The following FOXJ2 variants were observed in gnomAD, a reference collection of about 807,000 sequenced individuals.
FOXJ2 encodes forkhead box J2.
A neutral mutation model predicts 68.4 loss-of-function variants in FOXJ2; 18 were observed. That is an observed-to-expected ratio of 0.26 (90% confidence interval 0.18 to 0.39). The LOEUF is 0.39. Ranked by LOEUF, FOXJ2 falls within the 10% of genes least tolerant of loss-of-function variation. The probability of loss-of-function intolerance (pLI) is 1.00; values close to 1 mark genes in which losing one functional copy is unlikely to be tolerated. For synonymous variants in FOXJ2, 274 were observed against 263.2 expected (o/e 1.04, Z -0.40); for missense variants, 670 against 726.5 (o/e 0.92, Z 0.89).
chr12:8,041,089 A>T (rs1946957621), intron 2 of FOXJ2, among the ~76,000 whole-genome samples: 1 of 152,186 alleles, frequency 6.6e-6, no homozygotes, highest in Admixed American at 6.5e-5. Context: ...TCAATTGTTG[A>T]GTAGGAATAG....
intron 1 of FOXJ2, among the ~76,000 whole-genome samples, chr12:8,039,097 G>T (rs1946933386): frequency 6.6e-6 from 1 of 152,114 alleles, no homozygotes; most frequent in Non-Finnish European, 1.5e-5. Context: ...TGTACTTCAG[G>T]ATGTGTTGCT....
rs1288939788 is a variant in FOXJ2 at position 8,048,812 on chromosome 12, G to A, written c.1327+14G>A. 1.2e-6 allele frequency: 2 copies of A among 1,609,694 alleles called. No individual in the cohort carries two copies. Among genetic ancestry groups the A allele is most frequent in the Admixed American group, 3.3e-5 (2 of 60,010 alleles). On this transcript the variant is annotated intron_variant, in intron 8 of 10. Transcript: ENST00000162391. The stretch of plus-strand genomic sequence containing the variant: ...CACAATTCTCAGGTTAGTGATCAAA[G>A]GACGAAGGAAGAGAGGGATACACTG...
chr12:8,047,457 AAAAAACG>A (rs1430440390), intron 6 of FOXJ2, among the ~76,000 whole-genome samples: 1 of 152,072 alleles, frequency 6.6e-6, no homozygotes, highest in Non-Finnish European at 1.5e-5. Context: ...CTCAAAAAAC[AAAAAACG>A]GAAGGAAGAG....
chr12:8,049,967 G>T, intron 9 of FOXJ2: 1 of 251,902 alleles, frequency 4.0e-6, no homozygotes, highest in African/African-American at 2.2e-5. Flanking sequence ...TTATGTTCCT[G>T]TTTCTTGCTT....
chr12:8,052,674 G>A, intron 10 of FOXJ2, 88 bp from the exon 11 acceptor site: 2 of 1,147,120 alleles, frequency 1.7e-6, no homozygotes, highest in Admixed American at 2.0e-5. Context: ...TCTTCGTGGT[G>A]TTATCTGGGG....
At chr12:8,033,921 C>G (rs3782678) in intron 1 of FOXJ2, 88 bp downstream of exon 1, 4 of 152,162 alleles carry the variant, frequency 2.6e-5, no homozygotes, top group African/African-American at 4.8e-5. Flanking sequence ...GTTTCACTGC[C>G]GGGGAAGACA....
intron 1 of FOXJ2, among the ~76,000 whole-genome samples, chr12:8,034,726 C>T (rs1946874715): frequency 6.6e-6 from 1 of 152,224 alleles, no homozygotes; most frequent in African/African-American, 2.4e-5. Context: ...AAGTTTCCTT[C>T]CAGAAAAGTA....
Position 8,054,952 on chromosome 12 carries a change from C to T in FOXJ2, c.*2102C>T, listed in dbSNP as rs939993743. The T allele has an allele frequency of 6.6e-6, 1 of 152,346 alleles. No individual in the cohort carries two copies. The highest frequency in any genetic ancestry group is 2.1e-4 in the South Asian group (1 of 4,820). 9.4% of individuals were successfully genotyped at this position (152,346 alleles called of 1,614,324 possible). A position where few individuals can be genotyped will look rare whatever the true frequency, so the allele number is the denominator to read the frequency against. ...GGTAGGATCATACATGCAAATGCCC[C>T]TTGTTCATCTGTGTCTTCTGCAAAC... On this transcript the variant is annotated 3_prime_UTR_variant, in exon 11 of 11. Transcript: ENST00000162391.
chr12:8,034,366 C>T (rs1946870029), intron 1 of FOXJ2, among the ~76,000 whole-genome samples: 1 of 152,186 alleles, frequency 6.6e-6, no homozygotes, highest in Non-Finnish European at 1.5e-5. Flanking sequence ...GCAATCTGTT[C>T]CTGCTCATCC....
intron 2 of FOXJ2, among the ~76,000 whole-genome samples, chr12:8,041,201 CTTTTT>C (rs373996996): frequency 2.1e-5 from 3 of 144,746 alleles, no homozygotes; most frequent in African/African-American, 7.6e-5. Context: ...CTTTTCTTTT[CTTTTT>C]TTTTTTGTGG....
At chr12:8,050,490 C>G in intron 9 of FOXJ2, 32 bp from the exon 10 acceptor site, 1 of 1,602,578 alleles carries the variant, frequency 6.2e-7, no homozygotes, top group South Asian at 1.1e-5. Flanking sequence ...CCGCCCCCCC[C>G]AACTCAAGTA....
rs762590826 is a variant in FOXJ2, at chr12:8,048,142, C to T, written c.1078C>T (p.Pro360Ser). ...KQAGAEGYGPPPVMAMHPPPL... is the reference protein window; with the variant it reads ...KQAGAEGYGPSPVMAMHPPPL... ...AGCTGGGGCGGAAGGCTATGGGCCT[C>T]CCCCTGTAATGGCCATGCATCCACC... The change falls in exon 7 of 11, where the codon CCC becomes TCC. Residue 360 changes from proline to serine, a missense_variant. Coordinates refer to ENST00000162391, the MANE Select transcript of FOXJ2 (RefSeq NM_018416.3). 2 of 1,613,806 alleles carry T rather than the reference C, an allele frequency of 1.2e-6. No individual in the cohort carries two copies. Among genetic ancestry groups the T allele is most frequent in the East Asian group, 2.2e-5 (1 of 44,882 alleles).
intron 6 of FOXJ2, among the ~76,000 whole-genome samples, chr12:8,047,414 A>C (rs1157576483): frequency 6.6e-6 from 1 of 152,108 alleles, no homozygotes; most frequent in African/African-American, 2.4e-5. Flanking sequence ...GCACCATTGC[A>C]CTCCAGCCTG....
At position 8,043,217 on chromosome 12, in the gene FOXJ2, CAAAAAAAA is replaced by C. The variant is rs11423157; in HGVS notation, c.409-470_409-463del. ...GGGCAACAAGAGTGAAACTCCATCTCAAAAAAAAAAAAAAAAAAAAAGACTGTGAAATC... is the reference window on the plus strand; with the variant it reads ...GGGCAACAAGAGTGAAACTCCATCTCAAAAAAAAAAAAAGACTGTGAAATC... On this transcript the variant is annotated intron_variant, in intron 3 of 10. Coordinates refer to ENST00000162391, the MANE Select transcript of FOXJ2 (RefSeq NM_018416.3). Among the ~76,000 whole-genome samples the C allele has an allele frequency of 1.2e-4, 7 of 58,180 alleles. No homozygotes were observed. In the South Asian group the frequency reaches 6.1e-3, roughly 51 times the overall value. The allele number at this position is 58,180 out of a possible 152,430, so 38.2% of individuals were successfully genotyped here.
Position 8,035,017 on chromosome 12 carries a change from T to C in FOXJ2, c.-15+1184T>C, listed in dbSNP as rs959376295. Among the ~76,000 whole-genome samples, 1 of 152,224 alleles carries C rather than the reference T, an allele frequency of 6.6e-6. No homozygotes were observed. Among genetic ancestry groups the C allele is most frequent in the African/African-American group, 2.4e-5 (1 of 41,462 alleles). On this transcript the variant is annotated intron_variant, in intron 1 of 10. Coordinates refer to ENST00000162391, the MANE Select transcript of FOXJ2 (RefSeq NM_018416.3). This position sits in a 1 kb window ranked among gnomAD's most constrained non-coding sequence, Gnocchi z 4.0. ...AAGGAGGCTTCATCTGACTTGGCCT[T>C]TCATATTTCCTCCTCTCTCTGGGGC... is the stretch of plus-strand genomic sequence containing the variant.
chr12:8,042,720 T>C lies in FOXJ2; in HGVS notation c.396T>C (p.Asp132=), dbSNP rs747193499. 2 of 1,613,982 alleles carry C rather than the reference T, an allele frequency of 1.2e-6. No homozygotes were observed. The highest frequency in any genetic ancestry group is 1.7e-5 in the Admixed American group (1 of 60,012). The change falls in exon 3 of 11, where the codon GAT becomes GAC. Residue 132 remains aspartate (D), a synonymous_variant. Transcript: ENST00000162391. ...KCFRKVPRPR[D]DPGKGSYWTI... ...TCCGGAAGGTGCCCAGACCTCGGGA[T>C]GACCCTGGGAAGGTAAGATACTACT...
In FOXJ2 at chr12:8,052,764, C is replaced by A. The variant is rs770218283; in HGVS notation, c.1639C>A (p.His547Asn). ...CTCTCTTTCTTTCTTTCTAACAGCA[C>A]ACCATATGGTCCCTCGGCCATCAGT... is the stretch of plus-strand genomic sequence containing the variant. ...QDSAGYNRPA[H>N]HMVPRPSVPP... Residue 547 changes from histidine to asparagine, a missense_variant and splice_region_variant, in exon 11 of 11, where the codon CAC (histidine) becomes AAC (asparagine). By Grantham distance (68) the His-to-Asn change is moderately conservative (BLOSUM62 1). This residue lies in a region of FOXJ2 where 555 missense variants were observed against 562.2 expected (regional missense o/e 0.99). Coordinates refer to ENST00000162391, the MANE Select transcript of FOXJ2 (RefSeq NM_018416.3). The A allele has an allele frequency of 1.9e-6, 3 of 1,608,150 alleles. No individual in the cohort carries two copies. In the South Asian group the frequency reaches 3.3e-5, roughly 18 times the overall value.
At position 8,049,522 on chromosome 12, in the gene FOXJ2, T is replaced by C; in HGVS notation, c.1488T>C (p.Ala496=). The change falls in exon 9 of 11, where the codon GCT becomes GCC. Residue 496 remains alanine, a synonymous_variant. Transcript: ENST00000162391. ...GCCCACCAGCCCCTGCCCGTATTGCTGACTCCTGTGCCCTCACCAGTGGCA... is the reference window on the plus strand; with the variant it reads ...GCCCACCAGCCCCTGCCCGTATTGCCGACTCCTGTGCCCTCACCAGTGGCA... The part of the protein sequence containing the change: ...THRPPAPARI[A]DSCALTSGKQ... 1 of 1,613,862 alleles carries C rather than the reference T, an allele frequency of 6.2e-7. No homozygotes were observed.
chr12:8,039,848 G>C lies in FOXJ2; in HGVS notation c.16G>C (p.Glu6Gln), dbSNP rs773004970. The C allele has an allele frequency of 6.2e-7, 1 of 1,613,756 alleles. No individual in the cohort carries two copies. The highest frequency in any genetic ancestry group is 8.5e-7 in the Non-Finnish European group (1 of 1,179,794). Residue 6 changes from glutamate to glutamine, a missense_variant, in exon 2 of 11, where the codon GAG becomes CAG. Transcript: ENST00000162391. The stretch of plus-strand genomic sequence containing the variant: ...CAGAAGTACCATGGCTTCTGACCTA[G>C]AGAGTAGCCTCACCTCCATAGACTG... MASDL[E>Q]SSLTSIDWLP...
Sources: gnomAD v4.1 joint callset for allele counts (sites outside exome capture counted in the v4.1 genomes callset) on GRCh38, gnomAD v4.1.1 for gene constraint, gnomAD v4.1.1 regional missense constraint, Gnocchi (gnomAD v3.1) non-coding constraint, MANE v1.5 for transcripts, NCBI Gene and HGNC (gene_info 2026-07-23, HGNC 2026-07-21) for gene names.